SUGCT: variants seen among roughly 807,000 people sequenced by gnomAD.
The protein encoded by SUGCT is succinyl-CoA:glutarate CoA-transferase.
Under a neutral mutation model 55.0 loss-of-function variants are expected in SUGCT, and 41 were observed. The observed-to-expected ratio is 0.74, with a 90% CI of 0.58 to 0.97. The LOEUF (loss-of-function observed/expected upper bound fraction) is 0.97, where lower values mean the gene tolerates loss of function less well. SUGCT is among the 50% of genes least tolerant of loss of function. The pLI is 0.00. For synonymous variants in SUGCT, 187 were observed against 200.4 expected, an observed-to-expected ratio of 0.93 and a Z score of 0.56; for missense variants, 568 against 547.8, an observed-to-expected ratio of 1.04 and a Z score of -0.37.
chr7:40,445,518 C>T (rs1159223957), intron 9 of SUGCT, among the ~76,000 whole-genome samples: 1 of 152,020 alleles, frequency 6.6e-6, no homozygotes, highest in African/African-American at 2.4e-5. Flanking sequence ...AGTCTACCAA[C>T]CAAAAAAGTC....
At chr7:40,173,515 C>T (rs1199406505) in intron 1 of SUGCT, among the ~76,000 whole-genome samples, 1 of 152,188 alleles carries the variant, frequency 6.6e-6, no homozygotes, top group Admixed American at 6.5e-5. Flanking sequence ...TTGCCCACTC[C>T]CGGCTCAAAT....
In SUGCT at chr7:40,234,862, C is replaced by T. The variant is rs141392684; in HGVS notation, c.485-2773C>T. On this transcript the variant is annotated intron_variant, in intron 6 of 13. Coordinates refer to ENST00000335693, the MANE Select transcript of SUGCT (RefSeq NM_001193313.2). ...CAGTCGAGGTTGCGGTGAGCCCCGACGGTGCCACTGCGCTCCGGTCTGGGT... is the reference window on the plus strand; with the variant it reads ...CAGTCGAGGTTGCGGTGAGCCCCGATGGTGCCACTGCGCTCCGGTCTGGGT... 5.5e-3 allele frequency among the ~76,000 whole-genome samples: 832 copies of T among 151,318 alleles called. 8 individuals carry two copies. Among genetic ancestry groups the T allele is most frequent in the South Asian group, 0.02 (94 of 4,796 alleles).
the SUGCT span, among the ~76,000 whole-genome samples, chr7:40,939,509 C>T: frequency 6.6e-6 from 1 of 152,110 alleles, no homozygotes; most frequent in Admixed American, 6.5e-5. Context: ...TATATTCCCA[C>T]CAGCAGTTTT....
chr7:40,439,105 T>TGG (rs1788355608), intron 9 of SUGCT, among the ~76,000 whole-genome samples: 1 of 129,206 alleles, frequency 7.7e-6, no homozygotes, highest in Admixed American at 7.9e-5. Context: ...TATATATATA[T>TGG]ATATATGGAT....
intron 12 of SUGCT, among the ~76,000 whole-genome samples, chr7:40,585,803 T>C (rs1797345521): frequency 6.6e-6 from 1 of 152,016 alleles, no homozygotes; most frequent in Non-Finnish European, 1.5e-5. Flanking sequence ...CCTCAGCCTC[T>C]CAAGTACCTG....
intron 12 of SUGCT, among the ~76,000 whole-genome samples, chr7:40,621,189 G>A (rs1324848653): frequency 6.6e-6 from 1 of 151,994 alleles, no homozygotes; most frequent in Non-Finnish European, 1.5e-5. Context: ...TATTATTGTA[G>A]CAGGTTGAGG....
chr7:40,545,962 A>T (rs1468454059), intron 12 of SUGCT, among the ~76,000 whole-genome samples: 1 of 152,210 alleles, frequency 6.6e-6, no homozygotes, highest in Non-Finnish European at 1.5e-5. Context: ...AGATAGGCTC[A>T]GTCATGTGTA....
At chr7:40,753,213 G>A (rs996615708) in intron 13 of SUGCT, among the ~76,000 whole-genome samples, 2 of 152,174 alleles carry the variant, frequency 1.3e-5, no homozygotes, top group Non-Finnish European at 2.9e-5. Flanking sequence ...GATTCTACCT[G>A]TCCTTGATTT....
At chr7:40,270,893 G>A (rs1263998639) in intron 7 of SUGCT, among the ~76,000 whole-genome samples, 3 of 129,838 alleles carry the variant, frequency 2.3e-5, no homozygotes, top group African/African-American at 8.4e-5. Context: ...ATTATTTTAA[G>A]AGTATAAGTT....
intron 12 of SUGCT, among the ~76,000 whole-genome samples, chr7:40,497,674 A>C (rs1056167263): frequency 2.0e-5 from 3 of 152,288 alleles, no homozygotes; most frequent in Middle Eastern, 3.4e-3. Context: ...ACTTTGAGTG[A>C]GGCCAAGCCA....
intron 12 of SUGCT, among the ~76,000 whole-genome samples, chr7:40,564,949 C>A (rs963987410): frequency 2.0e-5 from 3 of 152,174 alleles, no homozygotes; most frequent in African/African-American, 2.4e-5. Context: ...ACTATGTTCT[C>A]ATGTAAGTAG....
the SUGCT span, among the ~76,000 whole-genome samples, chr7:41,035,856 C>T: frequency 2.0e-5 from 3 of 152,328 alleles, no homozygotes; most frequent in African/African-American, 2.4e-5. Flanking sequence ...CAGGAACCCC[C>T]AGCCTTGCAT....
At chr7:40,293,630 T>C (rs1793932215) in intron 8 of SUGCT, among the ~76,000 whole-genome samples, 1 of 152,216 alleles carries the variant, frequency 6.6e-6, no homozygotes, top group South Asian at 2.1e-4. Context: ...ATCTGCATTT[T>C]GGAGTAGCAC....
intron 7 of SUGCT, 65 bp from the exon 8 acceptor site, chr7:40,274,448 G>A: frequency 1.3e-6 from 2 of 1,530,708 alleles, no homozygotes; most frequent in Non-Finnish European, 1.8e-6. Context: ...TAGAAGATTT[G>A]AGAAATCATA....
intron 1 of SUGCT, among the ~76,000 whole-genome samples, chr7:40,162,185 C>T (rs746699467): frequency 2.0e-5 from 3 of 152,104 alleles, no homozygotes; most frequent in Non-Finnish European, 4.4e-5. Flanking sequence ...CATGAGCTAC[C>T]GCGCCCGGCC....
At chr7:40,165,666 C>T (rs1237710673) in intron 1 of SUGCT, among the ~76,000 whole-genome samples, 2 of 152,146 alleles carry the variant, frequency 1.3e-5, no homozygotes, top group Admixed American at 1.3e-4. Context: ...AAATTTGACT[C>T]TAGATATACT....
chr7:40,611,698 C>T lies in SUGCT; in HGVS notation c.1089+115312C>T, dbSNP rs992122876. On this transcript the variant is annotated intron_variant, in intron 12 of 13. Coordinates refer to ENST00000335693, the MANE Select transcript of SUGCT (RefSeq NM_001193313.2). ...GCCAAGCTTTCTTCAAAGTACATTA[C>T]GTATATTAGCTCACTTAAAACTCTT... is the stretch of plus-strand genomic sequence containing the variant. Among the ~76,000 whole-genome samples, 10 of 152,312 alleles carry T rather than the reference C, an allele frequency of 6.6e-5. No homozygotes were observed. In the East Asian group the frequency reaches 7.7e-4, roughly 12 times the overall value.
intron 1 of SUGCT, among the ~76,000 whole-genome samples, chr7:40,136,812 C>G (rs1031161226): frequency 6.6e-6 from 1 of 151,994 alleles, no homozygotes; most frequent in Non-Finnish European, 1.5e-5. Context: ...TGGGCAACAT[C>G]GTGAAGCCCC....
chr7:40,924,272 G>A, the SUGCT span, among the ~76,000 whole-genome samples: 5 of 112,518 alleles, frequency 4.4e-5, no homozygotes, highest in South Asian at 3.2e-4. Context: ...TTACGTGTGT[G>A]TGTGTGTGTG....
Sources: allele counts gnomAD v4.1 joint callset (sites outside exome capture counted in the v4.1 genomes callset), GRCh38; gene constraint gnomAD v4.1.1; transcripts MANE v1.5; gene names NCBI Gene and HGNC (gene_info 2026-07-23, HGNC 2026-07-21).